COL18A1: variants seen among roughly 807,000 people sequenced by gnomAD.
The protein encoded by COL18A1 is collagen type XVIII alpha 1 chain, also known as collagen alpha-1(XVIII) chain.
In COL18A1, 133 loss-of-function variants were observed where a neutral mutation model predicts 168.0. The ratio of observed to expected loss-of-function variants is 0.79; its 90% CI spans 0.69 to 0.91. The LOEUF (loss-of-function observed/expected upper bound fraction) is 0.91. COL18A1 is among the 40% of genes least tolerant of loss of function. The pLI is 0.00. For synonymous variants in COL18A1, 949 were observed against 809.0 expected (o/e 1.17, Z -2.94); for missense variants, 2,126 against 1,925.4 (o/e 1.10, Z -1.95).
At chr21:45,492,065 G>GAC (rs1300605098) in intron 22 of COL18A1, among the ~76,000 whole-genome samples, 1 of 152,230 alleles carries the variant, frequency 6.6e-6, no homozygotes, top group East Asian at 1.9e-4. Flanking sequence ...TAGGAGGTGG[G>GAC]ACTCTAACAG....
chr21:45,476,360 C>G lies in COL18A1; in HGVS notation c.808C>G (p.Leu270Val), dbSNP rs773835415. ...ELLREETGAA[L>V]KPRLPAPPPV... ...CCCTCTCGTCCTCCAGGGCGCGGCC[C>G]TAAAACCCAGGCTCCCCGCGCCACC... The change falls in exon 6 of 42, where the codon CTA becomes GTA. Residue 270 changes from leucine (L) to valine (V), a missense_variant. Leu to Val is a conservative substitution (Grantham distance 32). Coordinates refer to ENST00000651438, the MANE Select transcript of COL18A1 (RefSeq NM_001379500.1). 8 of 1,614,108 alleles carry G rather than the reference C, an allele frequency of 5.0e-6. No individual in the cohort carries two copies. Among genetic ancestry groups the G allele is most frequent in the Non-Finnish European group, 6.8e-6 (8 of 1,180,012 alleles).
chr21:45,498,579 A>G lies in COL18A1; in HGVS notation c.2683+918A>G, dbSNP rs965300061. ...TGGGGTGGGAAGGGACCAGGCAGGC[A>G]GAGGCCGAGTCTGGGCCGGGACATC... On this transcript the variant is annotated intron_variant, in intron 32 of 41. Coordinates refer to ENST00000651438, the MANE Select transcript of COL18A1 (RefSeq NM_001379500.1). The surrounding 1 kb of genome is among the most constrained non-coding windows in gnomAD (Gnocchi z 4.5). 4.2e-6 allele frequency: 3 copies of G among 716,540 alleles called. No individual in the cohort carries two copies. The highest frequency in any genetic ancestry group is 7.8e-6 in the Non-Finnish European group (3 of 384,568). 44.4% of individuals were successfully genotyped at this position (716,540 alleles called of 1,614,324 possible). A position where few individuals can be genotyped will look rare whatever the true frequency, so the allele number is the denominator to read the frequency against.
At chr21:45,432,627 C>T (rs1306714421) in intron 2 of COL18A1, among the ~76,000 whole-genome samples, 1 of 152,256 alleles carries the variant, frequency 6.6e-6, no homozygotes, top group East Asian at 1.9e-4. Flanking sequence ...CTGGACCATA[C>T]TGCTGGGGTC....
chr21:45,489,028 T>C (rs2036209336), intron 18 of COL18A1, among the ~76,000 whole-genome samples: 1 of 152,200 alleles, frequency 6.6e-6, no homozygotes, highest in South Asian at 2.1e-4. Context: ...AAGCGTCCTC[T>C]GCTGCGTGCG....
At chr21:45,456,668 C>T (rs1459257364) in intron 2 of COL18A1, 1 of 1,532,496 alleles carries the variant, frequency 6.5e-7, no homozygotes, top group African/African-American at 1.4e-5. Context: ...GCTGCAGACG[C>T]ACTGCCACCC....
intron 2 of COL18A1, among the ~76,000 whole-genome samples, chr21:45,428,917 A>T (rs9974656): frequency 0.35 from 47,947 of 135,820 alleles, 8,004 homozygotes; most frequent in South Asian, 0.46. Context: ...TTTTTTTTTT[A>T]ATTTGAGACG....
rs2838946 is a variant in COL18A1, at chr21:45,488,655, C to T, written c.1923+211C>T. The stretch of plus-strand genomic sequence containing the variant: ...ACCTAGACTTCCAGCGTTAAGGGGC[C>T]ATTGTCCCGTTCTCTCTCCGAAGCC... On this transcript the variant is annotated intron_variant, in intron 18 of 41. Coordinates refer to ENST00000651438, the MANE Select transcript of COL18A1 (RefSeq NM_001379500.1). Among the ~76,000 whole-genome samples, 9,904 of 152,154 alleles carry T rather than the reference C, an allele frequency of 0.065. 380 individuals carry two copies. The highest frequency in any genetic ancestry group is 0.099 in the South Asian group (477 of 4,822).
chr21:45,477,235 C>A (rs2035708371), intron 6 of COL18A1, among the ~76,000 whole-genome samples, 176 bp from the exon 7 acceptor site: 1 of 152,160 alleles, frequency 6.6e-6, no homozygotes, highest in Non-Finnish European at 1.5e-5. Flanking sequence ...CTCCCTGTTG[C>A]CTTTGCCTGG....
At chr21:45,487,336 A>G in intron 16 of COL18A1, 111 bp from the exon 17 acceptor site, 4 of 1,283,210 alleles carry the variant, frequency 3.1e-6, no homozygotes, top group Non-Finnish European at 4.4e-6. Context: ...TCCCCAGGCC[A>G]CCGTGGCCCC....
intron 2 of COL18A1, among the ~76,000 whole-genome samples, chr21:45,410,348 ACGCCGGCTT>A (rs2033252190): frequency 6.6e-6 from 1 of 152,170 alleles, no homozygotes; most frequent in African/African-American, 2.4e-5. Flanking sequence ...GGCTCTCACC[ACGCCGGCTT>A]CCAGAAGGCC....
intron 33 of COL18A1, 65 bp downstream of exon 33, chr21:45,504,119 C>T (rs903648055): frequency 1.0e-5 from 16 of 1,558,422 alleles, no homozygotes; most frequent in African/African-American, 1.4e-5. Flanking sequence ...GGTGGCTGCT[C>T]CCAATTTCTC....
Position 45,440,261 on chromosome 21 carries a change from A to G in COL18A1, c.107-27981A>G, listed in dbSNP as rs145770683. ...GCGTTCTCCAAGCTCTGCAAGATTCAGAAGCAGAGGCCTCCCTGGGCTCTC... is the reference window on the plus strand; with the variant it reads ...GCGTTCTCCAAGCTCTGCAAGATTCGGAAGCAGAGGCCTCCCTGGGCTCTC... On this transcript the variant is annotated intron_variant, in intron 2 of 41. Transcript: ENST00000651438. Among the ~76,000 whole-genome samples the G allele has an allele frequency of 3.4e-3, 524 of 152,360 alleles. 3 individuals are homozygous for G. The highest frequency in any genetic ancestry group is 0.012 in the African/African-American group (496 of 41,588).
intron 9 of COL18A1, among the ~76,000 whole-genome samples, chr21:45,478,773 C>A (rs1029905804): frequency 1.3e-5 from 2 of 152,206 alleles, no homozygotes; most frequent in East Asian, 3.9e-4. Flanking sequence ...CAGCAAACAC[C>A]GTTTCCAAGC....
At chr21:45,438,922 TG>T (rs1308154038) in intron 2 of COL18A1, among the ~76,000 whole-genome samples, 2 of 152,020 alleles carry the variant, frequency 1.3e-5, no homozygotes, top group East Asian at 1.9e-4. Flanking sequence ...TGGGGGCCGG[TG>T]GGGGCCGAGG....
chr21:45,488,612 A>T (rs1316481612), intron 18 of COL18A1, among the ~76,000 whole-genome samples, 168 bp downstream of exon 18: 3 of 152,140 alleles, frequency 2.0e-5, no homozygotes, highest in Non-Finnish European at 1.5e-5. Context: ...ACAGGGAAAT[A>T]ATCGCACACC....
intron 2 of COL18A1, among the ~76,000 whole-genome samples, chr21:45,444,331 G>C (rs2034459127): frequency 7.2e-6 from 1 of 139,564 alleles, no homozygotes; most frequent in South Asian, 2.2e-4. Flanking sequence ...TGGCGTGCAG[G>C]GGTGTAGTGA....
chr21:45,509,101 T>C (rs769845382), intron 38 of COL18A1, among the ~76,000 whole-genome samples: 11 of 152,028 alleles, frequency 7.2e-5, no homozygotes, highest in Admixed American at 5.9e-4. Context: ...TGGTGAGTGA[T>C]TGCTGCGGCT....
rs773715846 is a variant in COL18A1 at position 45,455,993 on chromosome 21, G to T, written c.107-12249G>T. 1.9e-6 allele frequency: 3 copies of T among 1,612,886 alleles called. No individual in the cohort carries two copies. The highest frequency in any genetic ancestry group is 1.7e-6 in the Non-Finnish European group (2 of 1,179,936). ...GACTCCTGTGGGCCCCCTTGCCCTC[G>T]CTGGGCCTTCCAGCACCCCCCAGGA... On this transcript the variant is annotated intron_variant, in intron 2 of 41. Coordinates refer to ENST00000651438, the MANE Select transcript of COL18A1 (RefSeq NM_001379500.1).
At chr21:45,504,134 C>A (rs1045853425) in intron 33 of COL18A1, 80 bp downstream of exon 33, 3 of 1,504,364 alleles carry the variant, frequency 2.0e-6, no homozygotes, top group Non-Finnish European at 2.8e-6. Context: ...TTTCTCGCCC[C>A]ATCCGGCCCA....
Sources: gnomAD v4.1 joint callset for allele counts (sites outside exome capture counted in the v4.1 genomes callset) on GRCh38, gnomAD v4.1.1 for gene constraint, Gnocchi (gnomAD v3.1) non-coding constraint, MANE v1.5 for transcripts, NCBI Gene and HGNC (gene_info 2026-07-23, HGNC 2026-07-21) for gene names.